Variants in SPATA31C2 observed in about 807,000 individuals in gnomAD.
SPATA31C2 encodes spermatogenesis-associated protein 31C2.
SPATA31C2 carries 5 observed loss-of-function variants against 11.4 expected under a neutral mutation model. The observed-to-expected ratio is 0.44, with a 90% CI of 0.23 to 0.92. The LOEUF is 0.92. Among genes scored for constraint, SPATA31C2 ranks in the 40% least tolerant of loss-of-function variants. The probability of loss-of-function intolerance (pLI) is 0.24; values close to 1 mark genes in which losing one functional copy is unlikely to be tolerated. For synonymous variants in SPATA31C2, 515 were observed against 538.7 expected (o/e 0.96, Z 0.61); for missense variants, 1,353 against 1,368.6 (o/e 0.99, Z 0.18).
intron 1 of SPATA31C2, among the ~76,000 whole-genome samples, chr9:88,136,066 TG>T (rs1463551191): frequency 4.4e-5 from 6 of 137,318 alleles, no homozygotes; most frequent in Non-Finnish European, 1.6e-5. Flanking sequence ...CCCGAGTAGC[TG>T]GGACTACAGG....
chr9:88,134,903 GGT>G (rs1207529862), intron 1 of SPATA31C2: 1 of 1,487,202 alleles, frequency 6.7e-7, no homozygotes, highest in African/African-American at 1.5e-5. Context: ...TGGAGCTGGG[GGT>G]GTTTAGTGAT....
Position 88,132,419 on chromosome 9 carries a change from T to G in SPATA31C2, c.618A>C (p.Pro206=). 1 of 1,610,932 alleles carries G rather than the reference T, an allele frequency of 6.2e-7. No individual in the cohort carries two copies. The highest frequency in any genetic ancestry group is 8.5e-7 in the Non-Finnish European group (1 of 1,178,040). The part of the protein sequence containing the change: ...SLLLEHPSPE[P]PALFPHPPRT... Reference sequence around the variant, plus strand: ...GTGGTGGGTGAGGGAAAAGTGCAGGTGGCTCGGGTGAGGGATGTTCTAGGA... The same window carrying G: ...GTGGTGGGTGAGGGAAAAGTGCAGGGGGCTCGGGTGAGGGATGTTCTAGGA... Residue 206 remains proline (P), a synonymous_variant, in exon 4 of 4, where the codon CCA becomes CCC. Coordinates refer to ENST00000324915, the MANE Select transcript of SPATA31C2 (RefSeq NM_001350978.3).
In SPATA31C2 at chr9:88,131,303, G is replaced by A. The variant is rs747681574; in HGVS notation, c.1734C>T (p.Ala578=). 4.1e-5 allele frequency: 66 copies of A among 1,611,710 alleles called. No individual in the cohort carries two copies. In the African/African-American group the frequency reaches 7.6e-4, roughly 19 times the overall value. ...TCTGGCCCAACTTTCTGCTCATGTG[G>A]GCTTTCAGGATGTTTTCTATATGAT... ...ERNHIENILK[A]HMSRKLGQTN... is the part of the protein sequence containing the mutation. Residue 578 remains alanine (A), a synonymous_variant, in exon 4 of 4, where the codon GCC becomes GCT. Transcript: ENST00000324915.
rs781708956 is a variant in SPATA31C2, at chr9:88,130,113, C to G, written c.2924G>C (p.Arg975Thr). ...CCTGCCTGGGGTAAGTTGAGGAGTC[C>G]TCAATCCTTGAAACATTTCTTCATG... ...EKHEEMFQGLRTPQLTPGRKT... is the reference protein window; with the variant it reads ...EKHEEMFQGLTTPQLTPGRKT... The change falls in exon 4 of 4, where the codon AGG (arginine) becomes ACG (threonine). Residue 975 changes from arginine to threonine, a missense_variant. This residue lies in a region of SPATA31C2 where 187 missense variants were observed against 205.8 expected (regional missense o/e 0.91). Transcript: ENST00000324915. 13 of 1,607,760 alleles carry G rather than the reference C, an allele frequency of 8.1e-6. No homozygotes were observed. Among genetic ancestry groups the G allele is most frequent in the African/African-American group, 1.3e-5 (1 of 74,756 alleles).
Position 88,129,999 on chromosome 9 carries a change from A to T in SPATA31C2, c.3038T>A (p.Ile1013Asn), listed in dbSNP as rs1351484633. The part of the protein sequence containing the change: ...PPSISHFGEN[I>N]KQFFQTIFSK... ...AAAAATCGTCTGAAAAAATTGCTTG[A>T]TGTTTTCTCCAAAGTGGCTTATTGA... is the stretch of plus-strand genomic sequence containing the variant. The change falls in exon 4 of 4, where the codon ATC becomes AAC. Residue 1013 changes from isoleucine to asparagine, a missense_variant. By Grantham distance (149) the Ile-to-Asn change is moderately radical. Transcript: ENST00000324915. 6.2e-7 allele frequency: 1 copy of T among 1,608,866 alleles called. No individual in the cohort carries two copies. Among genetic ancestry groups the T allele is most frequent in the Non-Finnish European group, 8.5e-7 (1 of 1,176,626 alleles).
chr9:88,133,507 G>C, intron 2 of SPATA31C2, 87 bp downstream of exon 2: 1 of 1,549,326 alleles, frequency 6.5e-7, no homozygotes, highest in Admixed American at 1.8e-5. Context: ...CCCCACCTCA[G>C]GTTTTTTCAA....
chr9:88,130,564 C>T lies in SPATA31C2; in HGVS notation c.2473G>A (p.Gly825Ser), dbSNP rs866694449. ...TTGCTGGCGCCTGGAGCCTTGAAAC[C>T]ACGCACATCCTCACTTGTGGCTTGG... Reference protein sequence around the residue: ...NLQATSEDVRGFKAPGASKSS... With the variant: ...NLQATSEDVRSFKAPGASKSS... The change falls in exon 4 of 4, where the codon GGT becomes AGT. Residue 825 changes from glycine to serine, a missense_variant. Coordinates refer to ENST00000324915, the MANE Select transcript of SPATA31C2 (RefSeq NM_001350978.3). The T allele has an allele frequency of 1.2e-6, 2 of 1,613,334 alleles. No individual in the cohort carries two copies. Among genetic ancestry groups the T allele is most frequent in the South Asian group, 1.1e-5 (1 of 91,050 alleles).
At chr9:88,134,044 A>G (rs1212361090) in intron 1 of SPATA31C2, among the ~76,000 whole-genome samples, 2 of 150,548 alleles carry the variant, frequency 1.3e-5, no homozygotes, top group Admixed American at 6.6e-5. Context: ...ATCCCCAGCT[A>G]CTCAGGACGC....
In SPATA31C2 at chr9:88,130,443, G is replaced by A. The variant is rs747234593; in HGVS notation, c.2594C>T (p.Thr865Met). 37 of 1,613,118 alleles carry A rather than the reference G, an allele frequency of 2.3e-5. 1 individual carries two copies. In the Middle Eastern group the frequency reaches 5.0e-4, roughly 22 times the overall value. The change falls in exon 4 of 4, where the codon ACG becomes ATG. Residue 865 changes from threonine to methionine, a missense_variant. By Grantham distance (81) the Thr-to-Met change is moderately conservative. Transcript: ENST00000324915. ...AVSEFEPGKA[T>M]KSETQPQVSA... ...AACTTGAGGCTGGGTCTCTGACTTCGTGGCCTTTCCAGGCTCAAATTCACT... is the reference window on the plus strand; with the variant it reads ...AACTTGAGGCTGGGTCTCTGACTTCATGGCCTTTCCAGGCTCAAATTCACT...
intron 3 of SPATA31C2, 64 bp from the exon 4 acceptor site, chr9:88,132,774 G>C: frequency 6.5e-7 from 1 of 1,539,902 alleles, no homozygotes; most frequent in East Asian, 2.3e-5. Context: ...CAGAGTGGGC[G>C]CTTGGGCCAC....
In SPATA31C2 at chr9:88,132,388, G is replaced by C. The variant is rs1415633822; in HGVS notation, c.649C>G (p.Pro217Ala). The C allele has an allele frequency of 1.2e-5, 19 of 1,611,184 alleles. No homozygotes were observed. Among genetic ancestry groups the C allele is most frequent in the Non-Finnish European group, 1.6e-5 (19 of 1,178,084 alleles). ...PALFPHPPRT[P>A]DPLACSPPPP... ...GGCGGAGAGCAGGCCAGAGGATCAG[G>C]AGTGCGTGGTGGGTGAGGGAAAAGT... is the stretch of plus-strand genomic sequence containing the variant. Residue 217 changes from proline (P) to alanine (A), a missense_variant, in exon 4 of 4, where the codon CCT (proline) becomes GCT (alanine). Transcript: ENST00000324915.
chr9:88,136,109 AT>A, intron 1 of SPATA31C2, among the ~76,000 whole-genome samples: 1 of 136,876 alleles, frequency 7.3e-6, no homozygotes, highest in Non-Finnish European at 1.5e-5. Flanking sequence ...AATTTTTTGT[AT>A]TTTTGGTAGA....
rs377070205 is a variant in SPATA31C2 at position 88,130,072 on chromosome 9, G to T, written c.2965C>A (p.Arg989Ser). ...LTPGRKTEDT[R>S]QNEGVQLLPS... Reference sequence around the variant, plus strand: ...AGTAGCTGGACGCCTTCATTCTGACGGGTGTCTTCTGTTTTCCTGCCTGGG... The same window carrying T: ...AGTAGCTGGACGCCTTCATTCTGACTGGTGTCTTCTGTTTTCCTGCCTGGG... The change falls in exon 4 of 4, where the codon CGT becomes AGT. Residue 989 changes from arginine (R) to serine (S), a missense_variant. By Grantham distance (110) the Arg-to-Ser change is moderately radical. Coordinates refer to ENST00000324915, the MANE Select transcript of SPATA31C2 (RefSeq NM_001350978.3). 4 of 1,607,486 alleles carry T rather than the reference G, an allele frequency of 2.5e-6. No homozygotes were observed. In the African/African-American group the frequency reaches 4.0e-5, roughly 16 times the overall value.
At chr9:88,137,425 G>A (rs1296060334) in intron 1 of SPATA31C2, among the ~76,000 whole-genome samples, 1 of 146,684 alleles carries the variant, frequency 6.8e-6, no homozygotes, top group South Asian at 2.2e-4. Context: ...AAGAGTTTGA[G>A]ACCAGCCTGG....
At position 88,132,109 on chromosome 9, in the gene SPATA31C2, G is replaced by A. The variant is rs766183797; in HGVS notation, c.928C>T (p.Arg310Cys). The change falls in exon 4 of 4, where the codon CGC becomes TGC. Residue 310 changes from arginine to cysteine, a missense_variant. By Grantham distance (180) the Arg-to-Cys change is radical (BLOSUM62 -3). This residue lies in a region of SPATA31C2 where 1,075 missense variants were observed against 992.8 expected (regional missense o/e 1.08). Coordinates refer to ENST00000324915, the MANE Select transcript of SPATA31C2 (RefSeq NM_001350978.3). Reference sequence around the variant, plus strand: ...GGGGACATTGTAGTGTCCCTTTGGCGGGAAAGATGATCTTGCTGGACTGAC... The same window carrying A: ...GGGGACATTGTAGTGTCCCTTTGGCAGGAAAGATGATCTTGCTGGACTGAC... ...NSSVQQDHLS[R>C]QRDTTMSPLL... The A allele has an allele frequency of 1.2e-5, 19 of 1,610,524 alleles. No individual in the cohort carries two copies. Among genetic ancestry groups the A allele is most frequent in the South Asian group, 3.3e-5 (3 of 91,038 alleles).
rs1267819593 is a variant in SPATA31C2 at position 88,131,155 on chromosome 9, A to G, written c.1882T>C (p.Cys628Arg). The G allele has an allele frequency of 1.2e-6, 2 of 1,611,868 alleles. No homozygotes were observed. The highest frequency in any genetic ancestry group is 8.5e-7 in the Non-Finnish European group (1 of 1,179,866). Residue 628 changes from cysteine to arginine, a missense_variant, in exon 4 of 4, where the codon TGT (cysteine) becomes CGT (arginine). By Grantham distance (180) the Cys-to-Arg change is radical. This residue lies in a region of SPATA31C2 where 1,075 missense variants were observed against 992.8 expected (regional missense o/e 1.08). Transcript: ENST00000324915. ...NLAAPKSRKA[C>R]VNTAQVLSFL... is the part of the protein sequence containing the mutation. ...GAAAGCACCTGGGCTGTGTTCACAC[A>G]GGCTTTCCTGCTTTTCGGGGCTGCT...
rs765029198 is a variant in SPATA31C2, at chr9:88,132,679, A to G, written c.358T>C (p.Phe120Leu). Residue 120 changes from phenylalanine (F) to leucine (L), a missense_variant, in exon 4 of 4, where the codon TTT becomes CTT. Around this residue, in one of 6 missense-constraint regions of SPATA31C2, gnomAD observed 1,075 missense variants for 992.8 expected, o/e 1.08. Transcript: ENST00000324915. ...LLGPHLEKGD[F>L]GQLSGPDPPG... ...GGGTCTGGACCAGAGAGCTGACCAA[A>G]GTCACCTTTTTCAAGGTGTGGCCCC... is the stretch of plus-strand genomic sequence containing the variant. The G allele has an allele frequency of 1.2e-6, 2 of 1,607,136 alleles. No individual in the cohort carries two copies. The highest frequency in any genetic ancestry group is 1.7e-6 in the Non-Finnish European group (2 of 1,176,694).
chr9:88,132,119 A>G lies in SPATA31C2; in HGVS notation c.918T>C (p.Asp306=). 6.2e-7 allele frequency: 1 copy of G among 1,610,582 alleles called. No individual in the cohort carries two copies. The highest frequency in any genetic ancestry group is 8.5e-7 in the Non-Finnish European group (1 of 1,177,552). ...WCVFNSSVQQ[D]HLSRQRDTTM... ...TAGTGTCCCTTTGGCGGGAAAGATG[A>G]TCTTGCTGGACTGACGAGTTGAAGA... Residue 306 remains aspartate, a synonymous_variant, in exon 4 of 4, where the codon GAT becomes GAC. Transcript: ENST00000324915.
chr9:88,136,134 C>T (rs1169197092), intron 1 of SPATA31C2, among the ~76,000 whole-genome samples: 37 of 136,632 alleles, frequency 2.7e-4, no homozygotes, highest in African/African-American at 5.7e-4. Context: ...TGGGTTTCAC[C>T]GTGTTGGCCA....
Sources: allele counts gnomAD v4.1 joint callset (sites outside exome capture counted in the v4.1 genomes callset), GRCh38; gene constraint gnomAD v4.1.1; regional missense constraint gnomAD v4.1.1; transcripts MANE v1.5; gene names NCBI Gene and HGNC (gene_info 2026-07-23, HGNC 2026-07-21).